The following CDC45 variants were observed in gnomAD, a reference collection of about 807,000 sequenced individuals.
CDC45 encodes cell division cycle 45, also known as cell division control protein 45 homolog.
Under a neutral mutation model 77.8 loss-of-function variants are expected in CDC45, and 54 were observed. The ratio of observed to expected loss-of-function variants is 0.69; its 90% CI spans 0.56 to 0.87. CDC45 has a LOEUF of 0.87. Among genes scored for constraint, CDC45 ranks in the 40% least tolerant of loss-of-function variants. The probability of loss-of-function intolerance (pLI) is 0.00; values close to 1 mark genes in which losing one functional copy is unlikely to be tolerated. For synonymous variants in CDC45, 260 were observed against 272.1 expected (o/e 0.96, Z 0.44); for missense variants, 649 against 721.6 (o/e 0.90, Z 1.15).
intron 17 of CDC45, among the ~76,000 whole-genome samples, chr22:19,517,723 C>T (rs1484519724): frequency 6.6e-6 from 1 of 152,192 alleles, no homozygotes; most frequent in East Asian, 1.9e-4. Context: ...CTGCATACCT[C>T]CTTGGTGTCT....
At position 19,505,491 on chromosome 22, in the gene CDC45, T is replaced by C. The variant is rs756220030; in HGVS notation, c.824+10T>C. ...TCTCCTTTGAGTATGAGTATCCTTGTGGCCCAGCCTGAGGGGCACAGGCAG... is the reference window on the plus strand; with the variant it reads ...TCTCCTTTGAGTATGAGTATCCTTGCGGCCCAGCCTGAGGGGCACAGGCAG... On this transcript the variant is annotated intron_variant, in intron 10 of 18. Transcript: ENST00000263201. 6.2e-7 allele frequency: 1 copy of C among 1,613,906 alleles called. No homozygotes were observed. The highest frequency in any genetic ancestry group is 8.5e-7 in the Non-Finnish European group (1 of 1,179,894).
At chr22:19,483,792 G>T in intron 4 of CDC45, 70 bp from the exon 5 acceptor site, 4 of 1,397,926 alleles carry the variant, frequency 2.9e-6, no homozygotes, top group Non-Finnish European at 3.0e-6. Context: ...ATAAGATTCT[G>T]CAGAAGAACA....
In CDC45 at chr22:19,480,034, G is replaced by C. The variant is rs772082975; in HGVS notation, c.51+15G>C. 6.2e-7 allele frequency: 1 copy of C among 1,613,932 alleles called. No homozygotes were observed. Among genetic ancestry groups the C allele is most frequent in the Non-Finnish European group, 8.5e-7 (1 of 1,179,902 alleles). On this transcript the variant is annotated intron_variant, in intron 1 of 18. Transcript: ENST00000263201. ...TCCAGAGCCAGGTGACGCCCAGTCCGGGACCCCCGCCGAGGCCTTGCCGGT... is the reference window on the plus strand; with the variant it reads ...TCCAGAGCCAGGTGACGCCCAGTCCCGGACCCCCGCCGAGGCCTTGCCGGT...
intron 6 of CDC45, among the ~76,000 whole-genome samples, chr22:19,495,151 T>C (rs1234105355): frequency 6.6e-6 from 1 of 152,162 alleles, no homozygotes; most frequent in Non-Finnish European, 1.5e-5. Flanking sequence ...TAAAAGAGAT[T>C]CTGGGTTTGG....
Position 19,508,715 on chromosome 22 carries a change from C to T in CDC45, c.1217+24C>T, listed in dbSNP as rs142612442. 94 of 1,609,464 alleles carry T rather than the reference C, an allele frequency of 5.8e-5. No homozygotes were observed. The African/African-American group carries it at 1.1e-3, about 20-fold the overall frequency. Reference sequence around the variant, plus strand: ...AGGTAGCAGGAGGGCTGTGGGTTTGCCTCATGGGGCCACCACTGGTTCTCA... The same window carrying T: ...AGGTAGCAGGAGGGCTGTGGGTTTGTCTCATGGGGCCACCACTGGTTCTCA... On this transcript the variant is annotated intron_variant, in intron 13 of 18. Coordinates refer to ENST00000263201, the MANE Select transcript of CDC45 (RefSeq NM_003504.5).
At chr22:19,516,067 C>T (rs1420322675) in intron 15 of CDC45, among the ~76,000 whole-genome samples, 8 of 151,778 alleles carry the variant, frequency 5.3e-5, no homozygotes, top group Admixed American at 3.3e-4. Flanking sequence ...GCGGGGGGGA[C>T]GAGGAGTGGC....
intron 13 of CDC45, among the ~76,000 whole-genome samples, chr22:19,509,042 A>G (rs1031503812): frequency 6.6e-5 from 10 of 151,856 alleles, no homozygotes; most frequent in African/African-American, 2.2e-4. Flanking sequence ...TAATTTTCCA[A>G]TTCTTTCTTA....
chr22:19,509,671 G>A (rs953963177), intron 13 of CDC45, among the ~76,000 whole-genome samples: 15 of 152,092 alleles, frequency 9.9e-5, no homozygotes, highest in Non-Finnish European at 2.1e-4. Flanking sequence ...GTGACTTTGA[G>A]GGGATTTGAC....
intron 18 of CDC45, among the ~76,000 whole-genome samples, chr22:19,519,485 CCT>C (rs1256789105): frequency 3.3e-5 from 5 of 152,240 alleles, no homozygotes; most frequent in African/African-American, 9.6e-5. Flanking sequence ...CCATGTGCTA[CCT>C]CTTTCTTAAG....
Position 19,479,992 on chromosome 22 carries a change from A to G in CDC45, c.24A>G (p.Lys8=), listed in dbSNP as rs756757376. MFVSDFR[K]EFYEVVQSQR... is the part of the protein sequence containing the mutation. ...CTATGTTCGTGTCCGATTTCCGCAA[A>G]GAGTTCTACGAGGTGGTCCAGAGCC... Residue 8 remains lysine, a synonymous_variant, in exon 1 of 19, where the codon AAA becomes AAG. Coordinates refer to ENST00000263201, the MANE Select transcript of CDC45 (RefSeq NM_003504.5). The G allele has an allele frequency of 9.9e-6, 16 of 1,613,760 alleles. No homozygotes were observed. The highest frequency in any genetic ancestry group is 1.7e-5 in the Admixed American group (1 of 60,006).
At chr22:19,516,330 G>C in intron 15 of CDC45, 197 bp from the exon 16 acceptor site, 1 of 614,508 alleles carries the variant, frequency 1.6e-6, no homozygotes, top group Non-Finnish European at 2.9e-6. Context: ...TGTTTGGAGA[G>C]CTCCCTGGAC....
intron 9 of CDC45, among the ~76,000 whole-genome samples, chr22:19,504,729 G>T (rs1933060569): frequency 6.6e-6 from 1 of 152,180 alleles, no homozygotes; most frequent in Non-Finnish European, 1.5e-5. Flanking sequence ...TCCTCGTGGG[G>T]TCCTTCGGAG....
In CDC45 at chr22:19,519,003, A is replaced by G. The variant is rs1303110005; in HGVS notation, c.*1+94A>G. 4 of 977,270 alleles carry G rather than the reference A, an allele frequency of 4.1e-6. No individual in the cohort carries two copies. In the East Asian group the frequency reaches 7.2e-5, roughly 18 times the overall value. 60.5% of individuals were successfully genotyped at this position (977,270 alleles called of 1,614,324 possible). A position where few individuals can be genotyped will look rare whatever the true frequency, so the allele number is the denominator to read the frequency against. On this transcript the variant is annotated intron_variant, in intron 18 of 18. Transcript: ENST00000263201. Reference sequence around the variant, plus strand: ...CTGTCCTCCCTCAACGGAGGCTTCTACTTGGGTTTCAGACCGAAGCAGGGT... The same window carrying G: ...CTGTCCTCCCTCAACGGAGGCTTCTGCTTGGGTTTCAGACCGAAGCAGGGT...
chr22:19,496,010 A>G lies in CDC45; in HGVS notation c.572A>G (p.Tyr191Cys), dbSNP rs753193801. ...RRDILFDYEQ[Y>C]EYHGTSSAMV... ...GACATCCTCTTTGACTACGAGCAGT[A>G]TGAATATCATGGGACATCGGTAAGT... is the stretch of plus-strand genomic sequence containing the variant. The change falls in exon 7 of 19, where the codon TAT becomes TGT. Residue 191 changes from tyrosine (Y) to cysteine (C), a missense_variant. Tyr to Cys is a radical substitution (Grantham distance 194). Transcript: ENST00000263201. The G allele has an allele frequency of 1.4e-5, 22 of 1,610,380 alleles. No homozygotes were observed. In the African/African-American group the frequency reaches 2.5e-4, roughly 19 times the overall value.
chr22:19,513,109 C>A (rs933050330), intron 13 of CDC45, among the ~76,000 whole-genome samples: 2 of 152,210 alleles, frequency 1.3e-5, no homozygotes, highest in Non-Finnish European at 2.9e-5. Context: ...GCACCCATGA[C>A]CCAACACTTC....
At chr22:19,490,536 A>C (rs2090139227) in intron 5 of CDC45, among the ~76,000 whole-genome samples, 1 of 151,272 alleles carries the variant, frequency 6.6e-6, no homozygotes, top group African/African-American at 2.4e-5. Context: ...CACCACGCCC[A>C]GCTAATTTTT....
At position 19,507,469 on chromosome 22, in the gene CDC45, G is replaced by C. The variant is rs1182845874; in HGVS notation, c.908G>C (p.Trp303Ser). 1 of 1,614,056 alleles carries C rather than the reference G, an allele frequency of 6.2e-7. No individual in the cohort carries two copies. Among genetic ancestry groups the C allele is most frequent in the African/African-American group, 1.3e-5 (1 of 74,932 alleles). ...TATACCGCAGCCAGGTTCAAGCTGT[G>C]GTCTGTGCATGGACAGAAGCGGCTC... ...TSYTAARFKL[W>S]SVHGQKRLQE... The change falls in exon 11 of 19, where the codon TGG becomes TCG. Residue 303 changes from tryptophan (W) to serine (S), a missense_variant. Coordinates refer to ENST00000263201, the MANE Select transcript of CDC45 (RefSeq NM_003504.5).
chr22:19,518,872 C>A lies in CDC45; in HGVS notation c.1665C>A (p.Ser555Arg), dbSNP rs747705775. The change falls in exon 18 of 19, where the codon AGC becomes AGA. Residue 555 changes from serine to arginine, a missense_variant. Ser to Arg is a moderately radical substitution (Grantham distance 110). Transcript: ENST00000263201. ...SVIELKAEDR[S>R]KFLDALISLL... is the part of the protein sequence containing the mutation. ...TTGAGCTGAAAGCTGAGGATCGGAG[C>A]AAGTTTCTGGACGCACTTATTTCCC... 2.1e-5 allele frequency: 34 copies of A among 1,613,972 alleles called. No homozygotes were observed. Among genetic ancestry groups the A allele is most frequent in the Non-Finnish European group, 2.8e-5 (33 of 1,179,984 alleles).
chr22:19,494,561 C>G, intron 6 of CDC45, 179 bp downstream of exon 6: 1 of 1,549,768 alleles, frequency 6.5e-7, no homozygotes, highest in Non-Finnish European at 8.7e-7. Context: ...CCAGGTTGTT[C>G]GCCGGTCCCA....
Sources: gnomAD v4.1 joint callset for allele counts (sites outside exome capture counted in the v4.1 genomes callset) on GRCh38, gnomAD v4.1.1 for gene constraint, MANE v1.5 for transcripts, NCBI Gene and HGNC (gene_info 2026-07-23, HGNC 2026-07-21) for gene names.